BTBD9: variants seen among roughly 807,000 people sequenced by gnomAD.
BTBD9 encodes BTB domain containing 9.
A neutral mutation model predicts 64.3 loss-of-function variants in BTBD9; 49 were observed. The observed-to-expected ratio is 0.76, with a 90% confidence interval of 0.61 to 0.97. BTBD9 has a LOEUF of 0.97. Among genes scored for constraint, BTBD9 ranks in the 50% least tolerant of loss-of-function variants. The pLI, the probability that BTBD9 is intolerant of heterozygous loss-of-function variation, is 0.00. For synonymous variants in BTBD9, 260 were observed against 274.7 expected (o/e 0.95, Z 0.53); for missense variants, 598 against 762.1 (o/e 0.78, Z 2.53).
At chr6:38,266,256 T>G (rs1428461895) in intron 8 of BTBD9, among the ~76,000 whole-genome samples, 1 of 152,284 alleles carries the variant, frequency 6.6e-6, no homozygotes, top group East Asian at 1.9e-4. Flanking sequence ...TGATCTAGAC[T>G]TCATACTACA....
At chr6:38,336,636 A>G (rs1344089096) in intron 7 of BTBD9, among the ~76,000 whole-genome samples, 1 of 152,112 alleles carries the variant, frequency 6.6e-6, no homozygotes, top group Non-Finnish European at 1.5e-5. Flanking sequence ...TGGGAACTAC[A>G]ATTCAAGATG....
intron 6 of BTBD9, among the ~76,000 whole-genome samples, chr6:38,530,865 C>A (rs547333639): frequency 6.6e-6 from 1 of 152,214 alleles, no homozygotes; most frequent in East Asian, 1.9e-4. Context: ...AGTCTCTTAA[C>A]AGCAGAACTG....
intron 7 of BTBD9, among the ~76,000 whole-genome samples, chr6:38,289,215 A>T (rs1299290821): frequency 6.6e-6 from 1 of 152,054 alleles, no homozygotes; most frequent in East Asian, 1.9e-4. Context: ...TCTACCCAAA[A>T]TACAAAAAAT....
chr6:38,520,269 C>G (rs1773219757), intron 6 of BTBD9, among the ~76,000 whole-genome samples: 1 of 152,052 alleles, frequency 6.6e-6, no homozygotes, highest in Admixed American at 6.5e-5. Flanking sequence ...GCCTGGCCAA[C>G]ATGGCAAAAC....
chr6:38,314,526 T>G (rs562464013), intron 7 of BTBD9, among the ~76,000 whole-genome samples: 124 of 152,282 alleles, frequency 8.1e-4, no homozygotes, highest in African/African-American at 2.8e-3. Context: ...ATAATATGAG[T>G]AGAATTAGTA....
intron 6 of BTBD9, among the ~76,000 whole-genome samples, chr6:38,439,657 C>T (rs571389309): frequency 3.5e-4 from 53 of 152,170 alleles, no homozygotes; most frequent in South Asian, 1.0e-3. Context: ...AAACTCCTGA[C>T]CTCAAATGAT....
intron 9 of BTBD9, among the ~76,000 whole-genome samples, chr6:38,205,810 A>AGAG (rs1240241182): frequency 7.0e-6 from 1 of 142,128 alleles, no homozygotes; most frequent in Non-Finnish European, 1.5e-5. Context: ...CTTGAACCTA[A>AGAG]GAGGCGGAGG....
At position 38,542,641 on chromosome 6, in the gene BTBD9, T is replaced by G. The variant is rs1363022692; in HGVS notation, c.1154+34959A>C. Reference sequence around the variant, plus strand: ...AATATTAATTGATGATATTTATAAATTTAAGACTTTAACAAAACACTCTAG... The same window carrying G: ...AATATTAATTGATGATATTTATAAAGTTAAGACTTTAACAAAACACTCTAG... On this transcript the variant is annotated intron_variant, in intron 6 of 10. Coordinates refer to ENST00000481247, the MANE Select transcript of BTBD9 (RefSeq NM_001099272.2). Among the ~76,000 whole-genome samples, 5 of 152,292 alleles carry G rather than the reference T, an allele frequency of 3.3e-5. No individual in the cohort carries two copies. In the South Asian group the frequency reaches 8.3e-4, roughly 25 times the overall value.
intron 9 of BTBD9, among the ~76,000 whole-genome samples, chr6:38,201,041 A>T (rs13208663): frequency 2.8e-5 from 4 of 143,400 alleles, no homozygotes; most frequent in South Asian, 2.1e-4. Flanking sequence ...AAGTAAAAAT[A>T]AAAAAAAAAT....
chr6:38,588,260 C>G (rs577500332), intron 4 of BTBD9: 1 of 1,138,824 alleles, frequency 8.8e-7, no homozygotes, highest in South Asian at 1.2e-5. Flanking sequence ...TGGTCAGCCT[C>G]AACAACTGCC....
At chr6:38,580,659 G>A (rs1314805524) in intron 4 of BTBD9, among the ~76,000 whole-genome samples, 1 of 152,082 alleles carries the variant, frequency 6.6e-6, no homozygotes, top group Admixed American at 6.6e-5. Context: ...ACTTTGGGAG[G>A]CCGAGGCAGG....
intron 7 of BTBD9, among the ~76,000 whole-genome samples, chr6:38,289,998 A>T (rs12664994): frequency 0.069 from 10,462 of 152,100 alleles, 959 homozygotes; most frequent in East Asian, 0.41. Context: ...CATCAGATAA[A>T]TTAAAATAGA....
chr6:38,213,123 C>T (rs1354303675), intron 9 of BTBD9, among the ~76,000 whole-genome samples: 1 of 151,896 alleles, frequency 6.6e-6, no homozygotes, highest in African/African-American at 2.4e-5. Context: ...GCTAAGCAAG[C>T]AAGTGGCCTT....
At chr6:38,315,492 G>A (rs1000863245) in intron 7 of BTBD9, among the ~76,000 whole-genome samples, 1 of 151,470 alleles carries the variant, frequency 6.6e-6, no homozygotes, top group Non-Finnish European at 1.5e-5. Context: ...AATCCCACAG[G>A]TTTTGGTATG....
chr6:38,382,281 A>T (rs530258755), intron 6 of BTBD9, among the ~76,000 whole-genome samples: 1 of 152,302 alleles, frequency 6.6e-6, no homozygotes, highest in South Asian at 2.1e-4. Flanking sequence ...CTTAATCTCA[A>T]CTAATTGTGG....
In BTBD9 at chr6:38,170,709, T is replaced by C. The variant is rs1420882870; in HGVS notation, c.*4276A>G. 2 of 152,204 alleles carry C rather than the reference T, an allele frequency of 1.3e-5. No homozygotes were observed. Among genetic ancestry groups the C allele is most frequent in the Non-Finnish European group, 2.9e-5 (2 of 68,038 alleles). 9.4% of individuals were successfully genotyped at this position (152,204 alleles called of 1,614,324 possible). On this transcript the variant is annotated 3_prime_UTR_variant, in exon 11 of 11. Transcript: ENST00000481247. ...GACAACTTCTAATTTAATATTATAA[T>C]AATAAAAGCCACGGTGGCACAGAAC...
chr6:38,448,616 C>T (rs750217043), intron 6 of BTBD9, among the ~76,000 whole-genome samples: 16 of 152,194 alleles, frequency 1.1e-4, no homozygotes, highest in Non-Finnish European at 2.1e-4. Flanking sequence ...CTCTTGGGTT[C>T]ATACAATTCT....
At chr6:38,298,290 G>A (rs1762236366) in intron 7 of BTBD9, among the ~76,000 whole-genome samples, 1 of 151,890 alleles carries the variant, frequency 6.6e-6, no homozygotes, top group East Asian at 1.9e-4. Context: ...AAGCATACCA[G>A]ATTTAATAAT....
At chr6:38,635,649 C>T (rs984509914) in intron 1 of BTBD9, among the ~76,000 whole-genome samples, 3 of 152,294 alleles carry the variant, frequency 2.0e-5, no homozygotes, top group East Asian at 3.9e-4. Flanking sequence ...CCTTCCCTCT[C>T]TCTCTCACCC....
Sources: allele counts gnomAD v4.1 joint callset (sites outside exome capture counted in the v4.1 genomes callset), GRCh38; gene constraint gnomAD v4.1.1; transcripts MANE v1.5; gene names NCBI Gene and HGNC (gene_info 2026-07-23, HGNC 2026-07-21).